STT3B: variants seen among roughly 807,000 people sequenced by gnomAD.
The protein encoded by STT3B is STT3 oligosaccharyltransferase complex catalytic subunit B, also known as dolichyl-diphosphooligosaccharide--protein glycosyltransferase subunit STT3B.
Under a neutral mutation model 96.8 loss-of-function variants are expected in STT3B, and 29 were observed. The observed-to-expected ratio is 0.30, with a 90% CI of 0.22 to 0.41. The LOEUF is 0.41. STT3B is among the 10% of genes least tolerant of loss of function. STT3B has a pLI of 1.00. For missense variants in STT3B, 640 were observed against 1,022.3 expected, an observed-to-expected ratio of 0.63 and a Z score of 5.10; for synonymous variants, 367 against 360.0, an observed-to-expected ratio of 1.02 and a Z score of -0.22.
chr3:31,552,367 A>AG (rs1275696681), intron 1 of STT3B, among the ~76,000 whole-genome samples: 1 of 152,202 alleles, frequency 6.6e-6, no homozygotes, highest in African/African-American at 2.4e-5. Context: ...TTAGTGAGGG[A>AG]GTTAGACTTG....
rs1697068123 is a variant in STT3B, at chr3:31,535,513, C to T, written c.314+2201C>T. Among the ~76,000 whole-genome samples, 3 of 151,994 alleles carry T rather than the reference C, an allele frequency of 2.0e-5. No homozygotes were observed. The South Asian group carries it at 6.2e-4, about 32-fold the overall frequency. On this transcript the variant is annotated intron_variant, in intron 1 of 15. Coordinates refer to ENST00000295770, the MANE Select transcript of STT3B (RefSeq NM_178862.3). ...CCGAGGCAGGTGGATCACCTGAGGTCAGGAGTTCGAGACCAGCCTGGCCAA... is the reference window on the plus strand; with the variant it reads ...CCGAGGCAGGTGGATCACCTGAGGTTAGGAGTTCGAGACCAGCCTGGCCAA...
chr3:31,549,586 T>C (rs534508703), intron 1 of STT3B, among the ~76,000 whole-genome samples: 1 of 152,326 alleles, frequency 6.6e-6, no homozygotes, highest in East Asian at 1.9e-4. Context: ...TTATACATTT[T>C]ATATTTATAG....
At chr3:31,629,267 T>A in intron 13 of STT3B, 31 bp from the exon 14 acceptor site, 1 of 1,215,552 alleles carries the variant, frequency 8.2e-7, no homozygotes, top group Non-Finnish European at 1.2e-6. Context: ...TAACTTGAAC[T>A]AACATAGAAC....
intron 15 of STT3B, among the ~76,000 whole-genome samples, chr3:31,635,624 A>G (rs1699741957): frequency 6.6e-6 from 1 of 152,196 alleles, no homozygotes; most frequent in Admixed American, 6.5e-5. Flanking sequence ...CTGGAGGCTA[A>G]ATCAGGAGCA....
chr3:31,581,490 G>A (rs1698382857), intron 3 of STT3B, among the ~76,000 whole-genome samples: 1 of 152,138 alleles, frequency 6.6e-6, no homozygotes, highest in African/African-American at 2.4e-5. Flanking sequence ...ATCACCCACA[G>A]TGAACTACCA....
intron 3 of STT3B, among the ~76,000 whole-genome samples, chr3:31,592,411 C>G (rs1460623969): frequency 6.7e-6 from 1 of 150,370 alleles, no homozygotes; most frequent in Non-Finnish European, 1.5e-5. Flanking sequence ...ATACAAATCT[C>G]TCTCCAAGAC....
intron 3 of STT3B, among the ~76,000 whole-genome samples, chr3:31,587,514 C>T (rs899419452): frequency 6.6e-6 from 1 of 151,958 alleles, no homozygotes; most frequent in Non-Finnish European, 1.5e-5. Flanking sequence ...AAAGTGTGAG[C>T]GACCTTACCT....
At chr3:31,633,868 T>C (rs761866773) in intron 15 of STT3B, among the ~76,000 whole-genome samples, 1 of 152,166 alleles carries the variant, frequency 6.6e-6, no homozygotes, top group Non-Finnish European at 1.5e-5. Context: ...ACTATCCTTA[T>C]AATACTGATT....
Position 31,600,530 on chromosome 3 carries a change from A to G in STT3B, c.877+71A>G, listed in dbSNP as rs148137179. The G allele has an allele frequency of 3.4e-4, 247 of 716,982 alleles. 1 individual carries two copies. Among genetic ancestry groups the G allele is most frequent in the Middle Eastern group, 6.0e-4 (2 of 3,358 alleles). 44.4% of individuals were successfully genotyped at this position (716,982 alleles called of 1,614,324 possible). On this transcript the variant is annotated intron_variant, in intron 5 of 15. Coordinates refer to ENST00000295770, the MANE Select transcript of STT3B (RefSeq NM_178862.3). ...TATTCATTCATTTTATTGAAGAGAT[A>G]TTTCTATTTGGTCAATATTATGCAT...
chr3:31,599,192 A>G (rs1698867557), intron 4 of STT3B, among the ~76,000 whole-genome samples: 1 of 152,048 alleles, frequency 6.6e-6, no homozygotes, highest in Non-Finnish European at 1.5e-5. Context: ...TTTCTACACC[A>G]TAGCCTGTAT....
chr3:31,533,493 GC>G (rs1253508956), intron 1 of STT3B, 181 bp downstream of exon 1: 2 of 709,654 alleles, frequency 2.8e-6, no homozygotes, highest in Non-Finnish European at 1.9e-6. Flanking sequence ...GGCGAAGTTT[GC>G]CCCGTGCAGC....
intron 1 of STT3B, among the ~76,000 whole-genome samples, chr3:31,565,639 T>G (rs755070168): frequency 6.6e-6 from 1 of 152,192 alleles, no homozygotes; most frequent in Non-Finnish European, 1.5e-5. Context: ...TAGGGACTAC[T>G]TGGCTTTGTT....
At chr3:31,616,180 T>C (rs377394618) in intron 6 of STT3B, among the ~76,000 whole-genome samples, 38 of 151,948 alleles carry the variant, frequency 2.5e-4, no homozygotes, top group African/African-American at 9.2e-4. Context: ...AGAAGTACGA[T>C]CTAATGGCAA....
intron 1 of STT3B, among the ~76,000 whole-genome samples, chr3:31,545,443 A>G (rs1697383756): frequency 6.6e-6 from 1 of 152,218 alleles, no homozygotes; most frequent in Non-Finnish European, 1.5e-5. Flanking sequence ...AACATAATAT[A>G]CAGTTATAAA....
intron 1 of STT3B, among the ~76,000 whole-genome samples, chr3:31,557,625 A>G (rs968638178): frequency 2.0e-5 from 3 of 151,400 alleles, no homozygotes; most frequent in African/African-American, 7.3e-5. Flanking sequence ...ATATATTTTT[A>G]TTTTTATTTG....
intron 4 of STT3B, among the ~76,000 whole-genome samples, chr3:31,597,137 T>A (rs753742558): frequency 2.6e-5 from 4 of 152,138 alleles, no homozygotes; most frequent in African/African-American, 7.2e-5. Flanking sequence ...GAATTTTTTT[T>A]AATTTTTTAA....
chr3:31,636,125 T>G lies in STT3B; in HGVS notation c.*61T>G. ...CCTTGTGAGAACCGGTCTTTGCCTT[T>G]AGCTCATGTCGTGTTTCACAGCAAA... On this transcript the variant is annotated 3_prime_UTR_variant, in exon 16 of 16. Coordinates refer to ENST00000295770, the MANE Select transcript of STT3B (RefSeq NM_178862.3). The G allele has an allele frequency of 7.6e-7, 1 of 1,314,016 alleles. No individual in the cohort carries two copies. The highest frequency in any genetic ancestry group is 1.1e-6 in the Non-Finnish European group (1 of 948,118). The allele number at this position is 1,314,016 out of a possible 1,614,324, so 81.4% of individuals were successfully genotyped here.
chr3:31,624,087 G>T (rs1699482488), intron 11 of STT3B, among the ~76,000 whole-genome samples: 1 of 151,944 alleles, frequency 6.6e-6, no homozygotes. Context: ...GTGTAAAATG[G>T]GGTTTCCATC....
At chr3:31,572,094 G>T (rs9866846) in intron 1 of STT3B, among the ~76,000 whole-genome samples, 124 of 130,418 alleles carry the variant, frequency 9.5e-4, no homozygotes, top group African/African-American at 3.5e-3. Context: ...TAAGTATTAA[G>T]ATATTAAATA....
Sources: allele counts gnomAD v4.1 joint callset (sites outside exome capture counted in the v4.1 genomes callset), GRCh38; gene constraint gnomAD v4.1.1; transcripts MANE v1.5; gene names NCBI Gene and HGNC (gene_info 2026-07-23, HGNC 2026-07-21).